R3HDM4: variants seen among roughly 807,000 people sequenced by gnomAD.
The protein encoded by R3HDM4 is R3H domain containing 4.
R3HDM4 carries 30 observed loss-of-function variants against 31.3 expected under a neutral mutation model. The observed-to-expected ratio is 0.96, with a 90% CI of 0.72 to 1.30. R3HDM4 has a LOEUF of 1.30. Ranked by LOEUF, R3HDM4 falls within the 50% of genes most tolerant of loss-of-function variation. The pLI, the probability that R3HDM4 is intolerant of heterozygous loss-of-function variation, is 0.00. For missense variants in R3HDM4, 444 were observed against 366.1 expected, an observed-to-expected ratio of 1.21 and a Z score of -1.74; for synonymous variants, 196 against 156.6, an observed-to-expected ratio of 1.25 and a Z score of -1.88.
At chr19:912,084 CGCGGCCCCGGG>C (rs1270727462) in intron 1 of R3HDM4, among the ~76,000 whole-genome samples, 19 of 46,068 alleles carry the variant, frequency 4.1e-4, no homozygotes, top group South Asian at 1.1e-3. Context: ...GGAGTGGGGG[CGCGGCCCCGGG>C]GAGGTGGGGG....
rs552106395 is a variant in R3HDM4, at chr19:907,425, G to A, written c.72-5295C>T. On this transcript the variant is annotated intron_variant, in intron 1 of 7. Transcript: ENST00000361574. This position sits in a 1 kb window ranked among gnomAD's most constrained non-coding sequence, Gnocchi z 4.1. ...AGGGCCGATAACAGAAGTGACATCCGAGGGGAGCCCTCGGGGAAGTCAGAG... is the reference window on the plus strand; with the variant it reads ...AGGGCCGATAACAGAAGTGACATCCAAGGGGAGCCCTCGGGGAAGTCAGAG... 5.3e-5 allele frequency among the ~76,000 whole-genome samples: 8 copies of A among 152,130 alleles called. No homozygotes were observed. Among genetic ancestry groups the A allele is most frequent in the Non-Finnish European group, 1.2e-4 (8 of 67,968 alleles).
Position 900,909 on chromosome 19 carries a change from C to CGCTCCT in R3HDM4, c.389_394dup (p.Gln130_Glu131dup). On this transcript the variant is annotated inframe_insertion, in exon 4 of 8. Coordinates refer to ENST00000361574, the MANE Select transcript of R3HDM4 (RefSeq NM_138774.4). ...CTCATCCTCCAGGTAGCGAAGAACC[C>CGCTCCT]GCTCCTGCTCCTCCCCGGAGCGGTT... The CGCTCCT allele has an allele frequency of 2.5e-6, 4 of 1,608,302 alleles. No individual in the cohort carries two copies. The South Asian group carries it at 3.3e-5, about 13-fold the overall frequency.
chr19:899,688 T>G lies in R3HDM4; in HGVS notation c.562-2A>C. 1 of 1,576,956 alleles carries G rather than the reference T, an allele frequency of 6.3e-7. No homozygotes were observed. Among genetic ancestry groups the G allele is most frequent in the South Asian group, 1.1e-5 (1 of 87,952 alleles). On this transcript the variant is annotated splice_acceptor_variant, in intron 5 of 7. Coordinates refer to ENST00000361574, the MANE Select transcript of R3HDM4 (RefSeq NM_138774.4). LOFTEE classifies it high-confidence loss of function. This position sits in a 1 kb window ranked among gnomAD's most constrained non-coding sequence, Gnocchi z 6.8. ...CTCCTCCCAGGTCTCCAGCGTTTCC[T>G]GGGGAGAGCGGCCCGGTGGTCAGGG...
Position 899,741 on chromosome 19 carries a change from A to C in R3HDM4, c.562-55T>G. ...CTGCGGGACCTGTGGGTGGGGGGCC[A>C]GGGAGGTCCAGGGCCCCCAGGAGCC... is the stretch of plus-strand genomic sequence containing the variant. On this transcript the variant is annotated intron_variant, in intron 5 of 7. Transcript: ENST00000361574. This position sits in a 1 kb window ranked among gnomAD's most constrained non-coding sequence, Gnocchi z 6.8. 4 of 1,364,044 alleles carry C rather than the reference A, an allele frequency of 2.9e-6. No homozygotes were observed. Among genetic ancestry groups the C allele is most frequent in the South Asian group, 1.4e-5 (1 of 70,034 alleles). The allele number at this position is 1,364,044 out of a possible 1,614,324, so 84.5% of individuals were successfully genotyped here. A position where few individuals can be genotyped will look rare whatever the true frequency, so the allele number is the denominator to read the frequency against.
Position 897,611 on chromosome 19 carries a change from C to T in R3HDM4, c.704-71G>A, listed in dbSNP as rs1599354793. ...CGCGGCAGGTAGAGGTGCCTCGGAC[C>T]TGCACCACCCTCGCTTCTTCCCAGG... is the stretch of plus-strand genomic sequence containing the variant. On this transcript the variant is annotated intron_variant, in intron 7 of 7. Transcript: ENST00000361574. 9 of 1,182,752 alleles carry T rather than the reference C, an allele frequency of 7.6e-6. No homozygotes were observed. In the East Asian group the frequency reaches 1.0e-4, roughly 13 times the overall value. The allele number at this position is 1,182,752 out of a possible 1,614,324, so 73.3% of individuals were successfully genotyped here. A position where few individuals can be genotyped will look rare whatever the true frequency, so the allele number is the denominator to read the frequency against.
intron 7 of R3HDM4, among the ~76,000 whole-genome samples, chr19:898,647 T>C (rs975114470): frequency 6.6e-6 from 1 of 150,778 alleles, no homozygotes; most frequent in Non-Finnish European, 1.5e-5. Flanking sequence ...CCACGTCCCA[T>C]GTGAGCTCCG....
At chr19:911,181 C>T (rs746987878) in intron 1 of R3HDM4, among the ~76,000 whole-genome samples, 1 of 152,084 alleles carries the variant, frequency 6.6e-6, no homozygotes, top group Non-Finnish European at 1.5e-5. Flanking sequence ...TGCGGTGGCT[C>T]ACGCCTGTAA....
chr19:901,377 G>A (rs2036834221), intron 3 of R3HDM4, 45 bp downstream of exon 3: 4 of 1,578,756 alleles, frequency 2.5e-6, no homozygotes, highest in South Asian at 1.1e-5. Context: ...TAGGAGAACT[G>A]CCGGGGTCCC....
intron 1 of R3HDM4, among the ~76,000 whole-genome samples, chr19:910,864 A>C (rs1168359094): frequency 1.3e-5 from 2 of 152,214 alleles, no homozygotes; most frequent in East Asian, 1.9e-4. Flanking sequence ...TCACGCCTGT[A>C]ATCCCAGCAC....
intron 1 of R3HDM4, among the ~76,000 whole-genome samples, chr19:903,182 G>A (rs543424546): frequency 2.7e-4 from 41 of 151,864 alleles, no homozygotes; most frequent in Admixed American, 2.5e-3. Context: ...ACTCCCAGCA[G>A]CAGAGGAGCC....
In R3HDM4 at chr19:902,073, A is replaced by G. The variant is rs1390123262; in HGVS notation, c.129T>C (p.Ala43=). 3 of 1,613,856 alleles carry G rather than the reference A, an allele frequency of 1.9e-6. No individual in the cohort carries two copies. The highest frequency in any genetic ancestry group is 1.7e-6 in the Non-Finnish European group (2 of 1,179,998). Residue 43 remains alanine (A), a synonymous_variant, in exon 2 of 8, where the codon GCT becomes GCC. Coordinates refer to ENST00000361574, the MANE Select transcript of R3HDM4 (RefSeq NM_138774.4). ...LASSQVKRLS[A]SRRKQHFINQ... Reference sequence around the variant, plus strand: ...TGATGAAGTGCTGTTTCCGCCTGGAAGCCGAGAGTCTCTTCACCTGGGAGC... The same window carrying G: ...TGATGAAGTGCTGTTTCCGCCTGGAGGCCGAGAGTCTCTTCACCTGGGAGC...
rs777551697 is a variant in R3HDM4, at chr19:900,867, C to T, written c.437G>A (p.Arg146Gln). The T allele has an allele frequency of 1.4e-5, 22 of 1,558,418 alleles. No homozygotes were observed. Among genetic ancestry groups the T allele is most frequent in the Non-Finnish European group, 1.6e-5 (19 of 1,153,062 alleles). ...YLEDEGRSKA[R>Q]RRGPGRGEDR... is the part of the protein sequence containing the mutation. ...CTCCCCACGGCCAGGGCCCCTCCTC[C>T]GCGCCTTGCTCCTGCCCTCATCCTC... Residue 146 changes from arginine to glutamine, a missense_variant, in exon 4 of 8, where the codon CGG (arginine) becomes CAG (glutamine). Physicochemically the swap from Arg to Gln is conservative, Grantham distance 43. Coordinates refer to ENST00000361574, the MANE Select transcript of R3HDM4 (RefSeq NM_138774.4).
At position 907,606 on chromosome 19, in the gene R3HDM4, C is replaced by T. The variant is rs971739773; in HGVS notation, c.72-5476G>A. 2.0e-5 allele frequency among the ~76,000 whole-genome samples: 3 copies of T among 152,078 alleles called. No individual in the cohort carries two copies. Among genetic ancestry groups the T allele is most frequent in the African/African-American group, 7.2e-5 (3 of 41,430 alleles). On this transcript the variant is annotated intron_variant, in intron 1 of 7. Coordinates refer to ENST00000361574, the MANE Select transcript of R3HDM4 (RefSeq NM_138774.4). The surrounding 1 kb of genome is among the most constrained non-coding windows in gnomAD (Gnocchi z 4.1). ...GCTGGATGTGAACCTGGGTCTGACC[C>T]AGAACCCCAGAGCTACCCTGCTTCC...
chr19:899,697 C>A lies in R3HDM4; in HGVS notation c.562-11G>T, dbSNP rs780325277. The A allele has an allele frequency of 6.4e-7, 1 of 1,561,290 alleles. No individual in the cohort carries two copies. On this transcript the variant is annotated splice_polypyrimidine_tract_variant and intron_variant, in intron 5 of 7. Coordinates refer to ENST00000361574, the MANE Select transcript of R3HDM4 (RefSeq NM_138774.4). This position sits in a 1 kb window ranked among gnomAD's most constrained non-coding sequence, Gnocchi z 6.8. ...GGTCTCCAGCGTTTCCTGGGGAGAG[C>A]GGCCCGGTGGTCAGGGAACTGCGGG... is the stretch of plus-strand genomic sequence containing the variant.
Position 900,056 on chromosome 19 carries a change from C to G in R3HDM4, c.561+5G>C. ...AAAAGGGAGGCCCGGCAATCCCCCA[C>G]TCACCATGGGGATGCGGCTGCGCTT... On this transcript the variant is annotated splice_donor_5th_base_variant and intron_variant, in intron 5 of 7. Coordinates refer to ENST00000361574, the MANE Select transcript of R3HDM4 (RefSeq NM_138774.4). 6.2e-7 allele frequency: 1 copy of G among 1,610,916 alleles called. No homozygotes were observed. Among genetic ancestry groups the G allele is most frequent in the Non-Finnish European group, 8.5e-7 (1 of 1,178,350 alleles).
In R3HDM4 at chr19:901,454, C is replaced by T. The variant is rs1483567703; in HGVS notation, c.319G>A (p.Ala107Thr). Reference sequence around the variant, plus strand: ...TAGGTGGCGTTGTTGCAGGCCTCGGCAAAGATGCCTGGTGATGCAGGGGGT... The same window carrying T: ...TAGGTGGCGTTGTTGCAGGCCTCGGTAAAGATGCCTGGTGATGCAGGGGGT... ...LAPPASPGIFAEACNNATYVE... is the reference protein window; with the variant it reads ...LAPPASPGIFTEACNNATYVE... The change falls in exon 3 of 8, where the codon GCC becomes ACC. Residue 107 changes from alanine (A) to threonine (T), a missense_variant. Ala to Thr is a moderately conservative substitution (Grantham distance 58, BLOSUM62 0). Coordinates refer to ENST00000361574, the MANE Select transcript of R3HDM4 (RefSeq NM_138774.4). 1 of 1,608,962 alleles carries T rather than the reference C, an allele frequency of 6.2e-7. No homozygotes were observed. Among genetic ancestry groups the T allele is most frequent in the Admixed American group, 1.7e-5 (1 of 59,832 alleles).
At position 900,908 on chromosome 19, in the gene R3HDM4, C is replaced by T; in HGVS notation, c.396G>A (p.Arg132=). ...FMNRSGEEQE[R]VLRYLEDEGR... Reference sequence around the variant, plus strand: ...CCTCATCCTCCAGGTAGCGAAGAACCCGCTCCTGCTCCTCCCCGGAGCGGT... The same window carrying T: ...CCTCATCCTCCAGGTAGCGAAGAACTCGCTCCTGCTCCTCCCCGGAGCGGT... Residue 132 remains arginine (R), a synonymous_variant, in exon 4 of 8, where the codon CGG becomes CGA. Transcript: ENST00000361574. 1 of 1,608,360 alleles carries T rather than the reference C, an allele frequency of 6.2e-7. No homozygotes were observed. Among genetic ancestry groups the T allele is most frequent in the Non-Finnish European group, 8.5e-7 (1 of 1,178,628 alleles).
chr19:899,064 T>C lies in R3HDM4; in HGVS notation c.703+376A>G, dbSNP rs1328619321. Among the ~76,000 whole-genome samples, 1 of 152,064 alleles carries C rather than the reference T, an allele frequency of 6.6e-6. No homozygotes were observed. The highest frequency in any genetic ancestry group is 1.5e-5 in the Non-Finnish European group (1 of 67,990). ...CTCGCCTGAGGTCCCACGTGTGGTA[T>C]GTGGGAGGCCTTAGAGTTAAATGCA... is the stretch of plus-strand genomic sequence containing the variant. On this transcript the variant is annotated intron_variant, in intron 7 of 7. Transcript: ENST00000361574. This position sits in a 1 kb window ranked among gnomAD's most constrained non-coding sequence, Gnocchi z 6.8.
Position 900,839 on chromosome 19 carries a change from G to C in R3HDM4, c.465C>G (p.Asp155Glu), listed in dbSNP as rs766320763. Residue 155 changes from aspartate to glutamate, a missense_variant, in exon 4 of 8, where the codon GAC becomes GAG. Coordinates refer to ENST00000361574, the MANE Select transcript of R3HDM4 (RefSeq NM_138774.4). Reference protein sequence around the residue: ...ARRRGPGRGEDRRREDPAYTP... With the variant: ...ARRRGPGRGEERRREDPAYTP... ...CAGCCAGGCCCGCACCTCTCCTCCGGTCCTCCCCACGGCCAGGGCCCCTCC... is the reference window on the plus strand; with the variant it reads ...CAGCCAGGCCCGCACCTCTCCTCCGCTCCTCCCCACGGCCAGGGCCCCTCC... 2 of 1,535,516 alleles carry C rather than the reference G, an allele frequency of 1.3e-6. No homozygotes were observed. The highest frequency in any genetic ancestry group is 2.5e-5 in the East Asian group (1 of 39,862).
Sources: gnomAD v4.1 joint callset for allele counts (sites outside exome capture counted in the v4.1 genomes callset) on GRCh38, gnomAD v4.1.1 for gene constraint, Gnocchi (gnomAD v3.1) non-coding constraint, MANE v1.5 for transcripts, NCBI Gene and HGNC (gene_info 2026-07-23, HGNC 2026-07-21) for gene names.